The following CHMP4C variants were observed in gnomAD, a reference collection of about 807,000 sequenced individuals.
The protein encoded by CHMP4C is SNF7 homolog associated with Alix 3.
CHMP4C carries 28 observed loss-of-function variants against 29.0 expected under a neutral mutation model. The observed-to-expected ratio is 0.97, with a 90% CI of 0.72 to 1.32. The LOEUF (loss-of-function observed/expected upper bound fraction) is 1.32. Among genes scored for constraint, CHMP4C ranks in the 40% most tolerant of loss-of-function variants. The probability of loss-of-function intolerance (pLI) is 0.00; values close to 1 mark genes in which losing one functional copy is unlikely to be tolerated. For missense variants in CHMP4C, 291 were observed against 281.0 expected, an observed-to-expected ratio of 1.04 and a Z score of -0.25; for synonymous variants, 106 against 102.4, an observed-to-expected ratio of 1.04 and a Z score of -0.21.
intron 1 of CHMP4C, among the ~76,000 whole-genome samples, chr8:81,752,463 C>A (rs1808915591): frequency 6.6e-6 from 1 of 152,270 alleles, no homozygotes; most frequent in Non-Finnish European, 1.5e-5. Context: ...CACCATTGTG[C>A]CATCTAATCC....
intron 1 of CHMP4C, among the ~76,000 whole-genome samples, chr8:81,735,814 T>C (rs1228750679): frequency 6.6e-6 from 1 of 152,000 alleles, no homozygotes; most frequent in Non-Finnish European, 1.5e-5. Context: ...GGGCAGGACA[T>C]GGTGGCTCAT....
At chr8:81,754,327 C>G (rs532943684) in intron 2 of CHMP4C, among the ~76,000 whole-genome samples, 1 of 152,178 alleles carries the variant, frequency 6.6e-6, no homozygotes, top group South Asian at 2.1e-4. Flanking sequence ...AATTTGTTCC[C>G]AGGCCCAAAG....
intron 1 of CHMP4C, among the ~76,000 whole-genome samples, chr8:81,739,418 T>TCGGG (rs113653252): frequency 1.1e-5 from 1 of 93,564 alleles, no homozygotes; most frequent in Non-Finnish European, 2.0e-5. Context: ...TGGGGGATTG[T>TCGGG]GGGGGGGGGT....
chr8:81,735,145 G>A (rs915611001), intron 1 of CHMP4C, among the ~76,000 whole-genome samples: 2 of 152,084 alleles, frequency 1.3e-5, no homozygotes, highest in Non-Finnish European at 2.9e-5. Context: ...CCTCCTGCCT[G>A]AGTCTCCCAA....
At chr8:81,741,957 C>G (rs1289019551) in intron 1 of CHMP4C, among the ~76,000 whole-genome samples, 2 of 152,170 alleles carry the variant, frequency 1.3e-5, no homozygotes, top group Non-Finnish European at 2.9e-5. Context: ...GTATGCCACT[C>G]TTTGAATAAT....
At chr8:81,742,531 TTTTATTC>T (rs1477242458) in intron 1 of CHMP4C, among the ~76,000 whole-genome samples, 5 of 152,338 alleles carry the variant, frequency 3.3e-5, no homozygotes, top group Middle Eastern at 3.4e-3. Context: ...ACTTTGGACA[TTTTATTC>T]TTTATTTAAA....
At chr8:81,755,303 G>A in intron 2 of CHMP4C, 67 bp from the exon 3 acceptor site, 2 of 784,410 alleles carry the variant, frequency 2.5e-6, no homozygotes, top group Non-Finnish European at 4.1e-6. Context: ...TTTTTATATA[G>A]GATTATATCT....
chr8:81,753,749 G>A (rs189281443), intron 2 of CHMP4C, among the ~76,000 whole-genome samples: 2 of 152,198 alleles, frequency 1.3e-5, no homozygotes, highest in East Asian at 3.9e-4. Context: ...CAAATTTTCT[G>A]GGCTATAATC....
chr8:81,746,830 G>T (rs1808830161), intron 1 of CHMP4C, among the ~76,000 whole-genome samples: 1 of 152,186 alleles, frequency 6.6e-6, no homozygotes, highest in Non-Finnish European at 1.5e-5. Flanking sequence ...AAGGTTCAGT[G>T]TCATACCATG....
intron 1 of CHMP4C, among the ~76,000 whole-genome samples, chr8:81,742,614 G>T (rs1276626878): frequency 1.3e-5 from 2 of 152,090 alleles, no homozygotes; most frequent in Non-Finnish European, 2.9e-5. Flanking sequence ...GTCATACTGG[G>T]TGCGTCTTAT....
At chr8:81,738,570 T>C (rs1808722607) in intron 1 of CHMP4C, among the ~76,000 whole-genome samples, 2 of 152,170 alleles carry the variant, frequency 1.3e-5, no homozygotes, top group African/African-American at 4.8e-5. Flanking sequence ...ATCATAGTTG[T>C]CATAGAGCTC....
chr8:81,751,922 AAACTGGCATATT>A (rs772612948), intron 1 of CHMP4C, among the ~76,000 whole-genome samples: 2 of 152,176 alleles, frequency 1.3e-5, no homozygotes, highest in Non-Finnish European at 2.9e-5. Context: ...TTGTAATAAA[AAACTGGCATATT>A]AACTTAATAT....
At chr8:81,734,770 A>G (rs1808665299) in intron 1 of CHMP4C, among the ~76,000 whole-genome samples, 1 of 152,260 alleles carries the variant, frequency 6.6e-6, no homozygotes, top group African/African-American at 2.4e-5. Flanking sequence ...TTGGCAATGC[A>G]CAAAAATTCG....
intron 1 of CHMP4C, among the ~76,000 whole-genome samples, chr8:81,744,946 C>A (rs1808804027): frequency 6.6e-6 from 1 of 152,112 alleles, no homozygotes; most frequent in African/African-American, 2.4e-5. Context: ...TGCCTCTGGC[C>A]AAATGCGTGT....
intron 1 of CHMP4C, among the ~76,000 whole-genome samples, chr8:81,740,041 T>C (rs930103361): frequency 1.3e-5 from 2 of 152,262 alleles, no homozygotes; most frequent in Admixed American, 1.3e-4. Flanking sequence ...ATATGCAAGC[T>C]ATTTCTTTTA....
rs376380646 is a variant in CHMP4C at position 81,759,348 on chromosome 8, C to T, written c.*804C>T. 38 of 152,402 alleles carry T rather than the reference C, an allele frequency of 2.5e-4. No homozygotes were observed. Among genetic ancestry groups the T allele is most frequent in the African/African-American group, 8.7e-4 (36 of 41,434 alleles). 9.4% of individuals were successfully genotyped at this position (152,402 alleles called of 1,614,324 possible). On this transcript the variant is annotated 3_prime_UTR_variant, in exon 5 of 5. Transcript: ENST00000297265. ...TGTAATTTAGCCACTTAGGGAACTGCGTGAACACTCCCAGGCCATTATGAT... is the reference window on the plus strand; with the variant it reads ...TGTAATTTAGCCACTTAGGGAACTGTGTGAACACTCCCAGGCCATTATGAT...
chr8:81,749,172 G>C (rs1203529908), intron 1 of CHMP4C, among the ~76,000 whole-genome samples: 1 of 151,328 alleles, frequency 6.6e-6, no homozygotes, highest in East Asian at 1.9e-4. Context: ...AGAGGGATTT[G>C]CACTCTGGTG....
Position 81,758,779 on chromosome 8 carries a change from G to A in CHMP4C, c.*235G>A. ...AATCCCAGCACTTTGGGAGGCTGAGGCAGTTGAGACCAGGAGTTCGAGTCC... is the reference window on the plus strand; with the variant it reads ...AATCCCAGCACTTTGGGAGGCTGAGACAGTTGAGACCAGGAGTTCGAGTCC... On this transcript the variant is annotated 3_prime_UTR_variant, in exon 5 of 5. Coordinates refer to ENST00000297265, the MANE Select transcript of CHMP4C (RefSeq NM_152284.4). 2.2e-6 allele frequency: 1 copy of A among 450,822 alleles called. No individual in the cohort carries two copies. The highest frequency in any genetic ancestry group is 3.9e-6 in the Non-Finnish European group (1 of 255,008). 27.9% of individuals were successfully genotyped at this position (450,822 alleles called of 1,614,324 possible). A position where few individuals can be genotyped will look rare whatever the true frequency, so the allele number is the denominator to read the frequency against.
intron 2 of CHMP4C, among the ~76,000 whole-genome samples, chr8:81,754,551 A>C (rs75006286): frequency 6.6e-6 from 1 of 152,162 alleles, no homozygotes; most frequent in African/African-American, 2.4e-5. Context: ...TTTGGTATTT[A>C]GGCTACTTAA....
Sources: allele counts gnomAD v4.1 joint callset (sites outside exome capture counted in the v4.1 genomes callset), GRCh38; gene constraint gnomAD v4.1.1; transcripts MANE v1.5; gene names NCBI Gene and HGNC (gene_info 2026-07-23, HGNC 2026-07-21).